Variants in JARID2 observed in about 807,000 individuals in gnomAD.
The protein encoded by JARID2 is jumonji and AT-rich interaction domain containing 2, also known as protein Jumonji.
In JARID2, 21 loss-of-function variants were observed where a neutral mutation model predicts 125.6. The ratio of observed to expected loss-of-function variants is 0.17; its 90% CI spans 0.12 to 0.24. The LOEUF is 0.24. JARID2 is among the 10% of genes least tolerant of loss of function. The pLI, the probability that JARID2 is intolerant of heterozygous loss-of-function variation, is 1.00. For synonymous variants in JARID2, 736 were observed against 661.6 expected, an observed-to-expected ratio of 1.11 and a Z score of -1.73; for missense variants, 1,303 against 1,639.6, an observed-to-expected ratio of 0.79 and a Z score of 3.55.
intron 1 of JARID2, among the ~76,000 whole-genome samples, chr6:15,286,536 T>A (rs1761006998): frequency 6.7e-6 from 1 of 149,974 alleles, no homozygotes. Context: ...AGGCATGAGG[T>A]ACAGTGCCCG....
chr6:15,470,754 G>C (rs924600226), intron 5 of JARID2, among the ~76,000 whole-genome samples: 1 of 148,848 alleles, frequency 6.7e-6, no homozygotes, highest in African/African-American at 2.5e-5. Flanking sequence ...CTGCATATGT[G>C]AATTGGAATG....
At chr6:15,396,451 G>GT (rs1320346993) in intron 2 of JARID2, among the ~76,000 whole-genome samples, 1 of 152,146 alleles carries the variant, frequency 6.6e-6, no homozygotes, top group African/African-American at 2.4e-5. Flanking sequence ...AGTGCAAGGT[G>GT]TTTATCAAAT....
chr6:15,304,523 T>C (rs1275866848), intron 1 of JARID2, among the ~76,000 whole-genome samples: 1 of 152,038 alleles, frequency 6.6e-6, no homozygotes, highest in African/African-American at 2.4e-5. Context: ...CAGACAATCA[T>C]CGGAAGGCCC....
At position 15,281,364 on chromosome 6, in the gene JARID2, A is replaced by G. The variant is rs148616097; in HGVS notation, c.45+34780A>G. Among the ~76,000 whole-genome samples the G allele has an allele frequency of 2.5e-3, 381 of 152,376 alleles. 1 individual carries two copies. Among genetic ancestry groups the G allele is most frequent in the Admixed American group, 4.8e-3 (73 of 15,312 alleles). ...TAATAACTTTGTCCAAGAGCAAAAGAACGTGAATACATTGTGGTATGTGTG... is the reference window on the plus strand; with the variant it reads ...TAATAACTTTGTCCAAGAGCAAAAGGACGTGAATACATTGTGGTATGTGTG... On this transcript the variant is annotated intron_variant, in intron 1 of 17. Transcript: ENST00000341776.
intron 1 of JARID2, among the ~76,000 whole-genome samples, chr6:15,311,054 T>C (rs1581398233): frequency 6.6e-6 from 1 of 152,320 alleles, no homozygotes; most frequent in African/African-American, 2.4e-5. Flanking sequence ...ACATGGCACG[T>C]TGGCAGTGAG....
intron 3 of JARID2, among the ~76,000 whole-genome samples, chr6:15,423,509 C>G (rs1022185484): frequency 6.6e-6 from 1 of 152,116 alleles, no homozygotes; most frequent in African/African-American, 2.4e-5. Context: ...CAAGTTGTTC[C>G]TGAGTCATGG....
chr6:15,487,270 G>A, intron 5 of JARID2, 37 bp from the exon 6 acceptor site: 2 of 1,562,840 alleles, frequency 1.3e-6, no homozygotes, highest in African/African-American at 1.4e-5. Flanking sequence ...AGTGGTCAAG[G>A]TAGTGATTTC....
At chr6:15,276,011 G>A (rs1315199920) in intron 1 of JARID2, among the ~76,000 whole-genome samples, 1 of 152,172 alleles carries the variant, frequency 6.6e-6, no homozygotes, top group Non-Finnish European at 1.5e-5. Flanking sequence ...TGAGCAGCTT[G>A]TAGGAGAAAA....
intron 1 of JARID2, among the ~76,000 whole-genome samples, chr6:15,346,935 C>T (rs1304868011): frequency 6.6e-6 from 1 of 151,938 alleles, no homozygotes; most frequent in Non-Finnish European, 1.5e-5. Flanking sequence ...AGGGTTTCAC[C>T]ATGTTGGCTA....
chr6:15,308,833 T>A (rs920097287), intron 1 of JARID2, among the ~76,000 whole-genome samples: 1 of 152,228 alleles, frequency 6.6e-6, no homozygotes, highest in African/African-American at 2.4e-5. Context: ...TTGTCAACAG[T>A]AAATAGGCTG....
At chr6:15,389,427 C>T (rs1377387623) in intron 2 of JARID2, among the ~76,000 whole-genome samples, 1 of 152,208 alleles carries the variant, frequency 6.6e-6, no homozygotes, top group Non-Finnish European at 1.5e-5. Context: ...GGGGTTTTCA[C>T]CAAGGGACCC....
At chr6:15,492,656 A>T (rs1024907161) in intron 6 of JARID2, among the ~76,000 whole-genome samples, 3 of 152,248 alleles carry the variant, frequency 2.0e-5, no homozygotes, top group African/African-American at 7.2e-5. Flanking sequence ...CCCTTTTAGG[A>T]CACATGGAGC....
At chr6:15,287,513 C>A (rs1761049228) in intron 1 of JARID2, among the ~76,000 whole-genome samples, 1 of 152,110 alleles carries the variant, frequency 6.6e-6, no homozygotes, top group African/African-American at 2.4e-5. Flanking sequence ...GTGTTGATAC[C>A]AAACTCACAC....
intron 1 of JARID2, among the ~76,000 whole-genome samples, chr6:15,340,703 T>C (rs1392417435): frequency 6.6e-6 from 1 of 152,236 alleles, no homozygotes; most frequent in Non-Finnish European, 1.5e-5. Context: ...GTTAGATTTA[T>C]GAAGCTGAGG....
chr6:15,399,327 G>C (rs956686235), intron 2 of JARID2, among the ~76,000 whole-genome samples: 1 of 152,164 alleles, frequency 6.6e-6, no homozygotes, highest in African/African-American at 2.4e-5. Flanking sequence ...AGCTACCTCT[G>C]TGACCTTTGC....
chr6:15,417,721 G>A (rs757239826), intron 3 of JARID2, among the ~76,000 whole-genome samples: 2 of 151,970 alleles, frequency 1.3e-5, no homozygotes, highest in Non-Finnish European at 2.9e-5. Flanking sequence ...CATCCTGGGG[G>A]ACAGATCCAG....
intron 2 of JARID2, among the ~76,000 whole-genome samples, chr6:15,398,613 A>T (rs978014361): frequency 6.6e-6 from 1 of 152,316 alleles, no homozygotes. Flanking sequence ...CACAGGACTG[A>T]CTCGCATGTA....
chr6:15,246,313 T>A lies in JARID2; in HGVS notation c.-227T>A, dbSNP rs1356486133. The stretch of plus-strand genomic sequence containing the variant: ...TTATGAGTGTTTTACTAAAGTGAAT[T>A]TTTTTTTGTTTGCTTCGTTCGTCTT... On this transcript the variant is annotated 5_prime_UTR_variant, in exon 1 of 18. Coordinates refer to ENST00000341776, the MANE Select transcript of JARID2 (RefSeq NM_004973.4). 1.8e-6 allele frequency: 1 copy of A among 567,326 alleles called. No individual in the cohort carries two copies. The allele number at this position is 567,326 out of a possible 1,614,324, so 35.1% of individuals were successfully genotyped here.
intron 1 of JARID2, among the ~76,000 whole-genome samples, chr6:15,269,834 C>T (rs1166370867): frequency 2.6e-5 from 4 of 152,140 alleles, no homozygotes; most frequent in African/African-American, 9.7e-5. Context: ...ATGGGATCCC[C>T]AGGAAGGATA....
Sources: allele counts gnomAD v4.1 joint callset (sites outside exome capture counted in the v4.1 genomes callset), GRCh38; gene constraint gnomAD v4.1.1; transcripts MANE v1.5; gene names NCBI Gene and HGNC (gene_info 2026-07-23, HGNC 2026-07-21).